The following RSU1 variants were observed in gnomAD, a reference collection of about 807,000 sequenced individuals.
RSU1 encodes the protein Ras suppressor protein 1, also known as rsu-1.
A neutral mutation model predicts 31.1 loss-of-function variants in RSU1; 26 were observed. That is an observed-to-expected ratio of 0.84 (90% CI 0.61 to 1.16). The LOEUF is 1.16. RSU1 is among the 50% of genes most tolerant of loss of function. The probability of loss-of-function intolerance (pLI) is 0.00; values close to 1 mark genes in which losing one functional copy is unlikely to be tolerated. For synonymous variants in RSU1, 164 were observed against 136.3 expected (o/e 1.20, Z -1.41); for missense variants, 320 against 339.1 (o/e 0.94, Z 0.44).
At chr10:16,663,979 G>A (rs1834937994) in intron 8 of RSU1, among the ~76,000 whole-genome samples, 1 of 152,152 alleles carries the variant, frequency 6.6e-6, no homozygotes, top group Non-Finnish European at 1.5e-5. Flanking sequence ...CATTTTCAAA[G>A]AAGAGTAGTT....
chr10:16,661,352 T>A (rs1834887695), intron 8 of RSU1, among the ~76,000 whole-genome samples: 1 of 151,474 alleles, frequency 6.6e-6, no homozygotes, highest in East Asian at 1.9e-4. Context: ...TGACTTCATA[T>A]CAGTTGAATC....
intron 8 of RSU1, among the ~76,000 whole-genome samples, chr10:16,686,735 GGAGA>G (rs2131554327): frequency 6.6e-6 from 1 of 152,216 alleles, no homozygotes; most frequent in South Asian, 2.1e-4. Flanking sequence ...TGGAATAGGA[GGAGA>G]GAGACACACA....
At chr10:16,604,356 G>C (rs1051777903) in intron 8 of RSU1, among the ~76,000 whole-genome samples, 3 of 152,182 alleles carry the variant, frequency 2.0e-5, no homozygotes, top group African/African-American at 7.2e-5. Flanking sequence ...GCCCATCAGA[G>C]TCAGCACTGA....
At chr10:16,611,831 G>A (rs1429951230) in intron 8 of RSU1, among the ~76,000 whole-genome samples, 1 of 152,250 alleles carries the variant, frequency 6.6e-6, no homozygotes, top group Non-Finnish European at 1.5e-5. Flanking sequence ...GAGAGTGAGA[G>A]AGAATGAATA....
intron 8 of RSU1, among the ~76,000 whole-genome samples, chr10:16,661,264 G>T (rs1051131797): frequency 2.0e-5 from 3 of 150,332 alleles, no homozygotes; most frequent in South Asian, 2.1e-4. Context: ...CCCTGAGAGT[G>T]TATGTGTGAT....
chr10:16,593,973 A>G (rs1031321151), intron 8 of RSU1, among the ~76,000 whole-genome samples: 1 of 152,242 alleles, frequency 6.6e-6, no homozygotes, highest in African/African-American at 2.4e-5. Flanking sequence ...GCTGGCCACC[A>G]CACATCAATG....
Position 16,750,857 on chromosome 10 carries a change from ATCTC to A in RSU1, c.598+1678_598+1681del, listed in dbSNP as rs888883118. On this transcript the variant is annotated intron_variant, in intron 7 of 8. Transcript: ENST00000345264. ...CTGTGGTTATTAACCACTGTACAAG[ATCTC>A]TCTTTTTTTTTTTTTTTTCCTTTCA... Among the ~76,000 whole-genome samples the A allele has an allele frequency of 5.6e-4, 81 of 145,578 alleles. No individual in the cohort carries two copies. In the East Asian group the frequency reaches 7.4e-3, roughly 13 times the overall value.
chr10:16,791,848 G>C (rs992843154), intron 2 of RSU1, among the ~76,000 whole-genome samples: 1 of 152,050 alleles, frequency 6.6e-6, no homozygotes, highest in Non-Finnish European at 1.5e-5. Flanking sequence ...TCCCAAGGTG[G>C]CCCAACTTAT....
At chr10:16,595,290 C>T (rs932880869) in intron 8 of RSU1, among the ~76,000 whole-genome samples, 8 of 152,138 alleles carry the variant, frequency 5.3e-5, no homozygotes, top group African/African-American at 1.9e-4. Context: ...TGGAACTGCC[C>T]AGTTGATTTT....
chr10:16,782,371 G>A (rs1476707994), intron 2 of RSU1, among the ~76,000 whole-genome samples: 3 of 152,142 alleles, frequency 2.0e-5, no homozygotes, highest in South Asian at 2.1e-4. Flanking sequence ...GTGGCGCCCC[G>A]ACCTGCTTGC....
At chr10:16,619,412 GATTCACAGTGAACCA>G (rs536976543) in intron 8 of RSU1, among the ~76,000 whole-genome samples, 6 of 152,318 alleles carry the variant, frequency 3.9e-5, no homozygotes, top group African/African-American at 1.4e-4. Flanking sequence ...CAACTGCTGT[GATTCACAGTGAACCA>G]ATCTAGGCAC....
At chr10:16,596,063 A>T (rs1350846126) in intron 8 of RSU1, among the ~76,000 whole-genome samples, 1 of 152,096 alleles carries the variant, frequency 6.6e-6, no homozygotes, top group Non-Finnish European at 1.5e-5. Flanking sequence ...CCCCCTGAAG[A>T]CGAGGCCATG....
At chr10:16,808,046 C>G (rs2131678602) in intron 2 of RSU1, among the ~76,000 whole-genome samples, 1 of 148,170 alleles carries the variant, frequency 6.7e-6, no homozygotes, top group East Asian at 2.0e-4. Flanking sequence ...AAAAAGAATT[C>G]TGAAAATGAA....
At chr10:16,640,254 C>T (rs1690027792) in intron 8 of RSU1, among the ~76,000 whole-genome samples, 1 of 152,040 alleles carries the variant, frequency 6.6e-6, no homozygotes, top group African/African-American at 2.4e-5. Context: ...AGCATAACCC[C>T]GAGAAACAAC....
chr10:16,624,727 G>C (rs573560120), intron 8 of RSU1, among the ~76,000 whole-genome samples: 1 of 152,220 alleles, frequency 6.6e-6, no homozygotes, highest in Non-Finnish European at 1.5e-5. Flanking sequence ...CTTTGATTAG[G>C]TGGAGATTCT....
At chr10:16,760,794 T>C (rs1459446967) in intron 4 of RSU1, among the ~76,000 whole-genome samples, 1 of 152,116 alleles carries the variant, frequency 6.6e-6, no homozygotes, top group Non-Finnish European at 1.5e-5. Context: ...ATGAAGCTCG[T>C]CTTCTTATTG....
intron 8 of RSU1, among the ~76,000 whole-genome samples, chr10:16,664,723 C>T (rs1351849040): frequency 2.0e-5 from 3 of 152,122 alleles, no homozygotes; most frequent in Non-Finnish European, 2.9e-5. Context: ...AATATTCTAG[C>T]TAAAGAGTTG....
At chr10:16,717,620 C>T (rs1836169274) in intron 7 of RSU1, among the ~76,000 whole-genome samples, 1 of 151,962 alleles carries the variant, frequency 6.6e-6, no homozygotes, top group Non-Finnish European at 1.5e-5. Context: ...CTGAGAAAAG[C>T]AAAAACAACA....
intron 2 of RSU1, among the ~76,000 whole-genome samples, chr10:16,807,016 C>A (rs549434957): frequency 1.3e-5 from 2 of 152,140 alleles, no homozygotes; most frequent in African/African-American, 2.4e-5. Context: ...CGTTGGCCTC[C>A]GGAAGCGCTG....
Sources: gnomAD v4.1 joint callset for allele counts (sites outside exome capture counted in the v4.1 genomes callset) on GRCh38, gnomAD v4.1.1 for gene constraint, MANE v1.5 for transcripts, NCBI Gene and HGNC (gene_info 2026-07-23, HGNC 2026-07-21) for gene names.